Variants in IMMP2L observed in about 807,000 individuals in gnomAD.
IMMP2L encodes the protein mitochondrial inner membrane protease subunit 2.
IMMP2L carries 18 observed loss-of-function variants against 19.3 expected under a neutral mutation model. That is an observed-to-expected ratio of 0.93 (90% confidence interval 0.64 to 1.38). The LOEUF (loss-of-function observed/expected upper bound fraction) is 1.38, where lower values mean the gene tolerates loss of function less well. Ranked by LOEUF, IMMP2L falls within the 40% of genes most tolerant of loss-of-function variation. The pLI is 0.00. For missense variants in IMMP2L, 233 were observed against 218.2 expected, an observed-to-expected ratio of 1.07 and a Z score of -0.43; for synonymous variants, 76 against 73.0, an observed-to-expected ratio of 1.04 and a Z score of -0.21.
chr7:110,797,816 A>G lies in IMMP2L; in HGVS notation c.408+88777T>C, dbSNP rs746124683. 7.2e-5 allele frequency among the ~76,000 whole-genome samples: 11 copies of G among 152,070 alleles called. 1 individual carries two copies. Among genetic ancestry groups the G allele is most frequent in the Admixed American group, 2.0e-4 (3 of 15,234 alleles). The stretch of plus-strand genomic sequence containing the variant: ...AAATCTGCTAACAGAAAGAAAACAC[A>G]TGAAGGATCGCAGTGCATGACAGTA... On this transcript the variant is annotated intron_variant, in intron 5 of 5. Coordinates refer to ENST00000405709, the MANE Select transcript of IMMP2L (RefSeq NM_032549.4).
intron 3 of IMMP2L, among the ~76,000 whole-genome samples, chr7:111,009,233 A>G (rs982909769): frequency 6.6e-6 from 1 of 152,022 alleles, no homozygotes; most frequent in African/African-American, 2.4e-5. Context: ...ATCTAACTTC[A>G]CTGTTGCAAA....
At chr7:110,720,366 C>T (rs942315632) in intron 5 of IMMP2L, among the ~76,000 whole-genome samples, 17 of 152,158 alleles carry the variant, frequency 1.1e-4, no homozygotes, top group African/African-American at 4.1e-4. Context: ...AGAAAGTAAT[C>T]GCTCTTCTTC....
intron 5 of IMMP2L, among the ~76,000 whole-genome samples, chr7:110,770,259 G>A (rs542878384): frequency 3.9e-5 from 6 of 152,282 alleles, no homozygotes; most frequent in African/African-American, 1.4e-4. Flanking sequence ...TACGACGAAT[G>A]TGAAGCCATG....
At chr7:111,443,351 A>G (rs570272164) in intron 3 of IMMP2L, among the ~76,000 whole-genome samples, 2 of 149,652 alleles carry the variant, frequency 1.3e-5, no homozygotes, top group Admixed American at 1.3e-4. Context: ...TTTAAAGACA[A>G]CTGGAGTACT....
At chr7:110,943,727 T>C (rs934784406) in intron 4 of IMMP2L, among the ~76,000 whole-genome samples, 4 of 151,902 alleles carry the variant, frequency 2.6e-5, no homozygotes, top group Non-Finnish European at 5.9e-5. Flanking sequence ...GGGTAGGGTG[T>C]TACCACAGAA....
intron 3 of IMMP2L, among the ~76,000 whole-genome samples, chr7:111,421,493 C>T (rs1396224138): frequency 3.3e-5 from 5 of 150,664 alleles, no homozygotes; most frequent in African/African-American, 5.0e-5. Flanking sequence ...AGGATGGTCT[C>T]GATCTCCTGA....
rs1213185811 is a variant in IMMP2L, at chr7:111,288,679, A to T, written c.239+198559T>A. 5.9e-5 allele frequency among the ~76,000 whole-genome samples: 9 copies of T among 152,288 alleles called. No homozygotes were observed. The East Asian group carries it at 1.5e-3, about 26-fold the overall frequency. On this transcript the variant is annotated intron_variant, in intron 3 of 5. Transcript: ENST00000405709. The stretch of plus-strand genomic sequence containing the variant: ...CAAACATGAAAAAAAGTTCATCATC[A>T]CTGGTCGTTAGAGAAATGAAAATGA...
intron 1 of IMMP2L, among the ~76,000 whole-genome samples, chr7:111,533,589 A>G (rs993021339): frequency 2.0e-5 from 3 of 152,198 alleles, no homozygotes; most frequent in African/African-American, 7.2e-5. Context: ...TAAAGTCGAC[A>G]TTCATATTGG....
rs561367092 is a variant in IMMP2L at position 110,865,278 on chromosome 7, T to G, written c.408+21315A>C. 2.6e-5 allele frequency among the ~76,000 whole-genome samples: 4 copies of G among 152,038 alleles called. No individual in the cohort carries two copies. The East Asian group carries it at 7.7e-4, about 29-fold the overall frequency. ...GATGGATTCTGACAAACACTAAATT[T>G]TAAACATCCTCTAAAAGTAAATAAA... On this transcript the variant is annotated intron_variant, in intron 5 of 5. Transcript: ENST00000405709.
intron 3 of IMMP2L, among the ~76,000 whole-genome samples, chr7:111,081,819 T>C (rs1290472514): frequency 2.6e-5 from 4 of 152,134 alleles, no homozygotes; most frequent in African/African-American, 9.7e-5. Flanking sequence ...ACTTTTAAAA[T>C]AACGTCATTG....
chr7:110,972,892 G>A (rs1180332681), intron 3 of IMMP2L, among the ~76,000 whole-genome samples: 4 of 152,070 alleles, frequency 2.6e-5, no homozygotes, highest in Non-Finnish European at 5.9e-5. Flanking sequence ...CTCAGAATGA[G>A]GGAAAGTTTG....
chr7:111,210,504 T>G (rs1032748180), intron 3 of IMMP2L, among the ~76,000 whole-genome samples: 1 of 152,152 alleles, frequency 6.6e-6, no homozygotes, highest in African/African-American at 2.4e-5. Context: ...CTGCACTTAT[T>G]TTATAACCCA....
At chr7:110,996,149 T>G (rs1426102050) in intron 3 of IMMP2L, among the ~76,000 whole-genome samples, 1 of 152,140 alleles carries the variant, frequency 6.6e-6, no homozygotes. Context: ...ATAAGTGCTA[T>G]GACAAGTCAA....
At chr7:110,921,738 C>T (rs993398150) in intron 4 of IMMP2L, among the ~76,000 whole-genome samples, 1 of 152,110 alleles carries the variant, frequency 6.6e-6, no homozygotes, top group Non-Finnish European at 1.5e-5. Flanking sequence ...AACAAATGTG[C>T]TTAACTACCC....
chr7:110,785,388 T>C (rs575769712), intron 5 of IMMP2L, among the ~76,000 whole-genome samples: 5 of 152,098 alleles, frequency 3.3e-5, no homozygotes, highest in African/African-American at 1.2e-4. Flanking sequence ...GATTTAAAAA[T>C]GGTTCTGGTG....
chr7:111,430,493 A>G (rs1174692311), intron 3 of IMMP2L, among the ~76,000 whole-genome samples: 1 of 151,794 alleles, frequency 6.6e-6, no homozygotes, highest in Non-Finnish European at 1.5e-5. Flanking sequence ...GAGACTATAT[A>G]ATCCTGTTAG....
rs188177187 is a variant in IMMP2L at position 111,422,128 on chromosome 7, A to C, written c.239+65110T>G. 2.3e-3 allele frequency among the ~76,000 whole-genome samples: 350 copies of C among 151,700 alleles called. 10 individuals carry two copies. The highest frequency in any genetic ancestry group is 7.9e-3 in the African/African-American group (326 of 41,106). On this transcript the variant is annotated intron_variant, in intron 3 of 5. Transcript: ENST00000405709. ...ACCATGCTGTTTTGGTTACTGTAGC[A>C]TTGTAGTCTAGTTTGAAATCAGGTA...
At chr7:110,956,652 G>A (rs1818385123) in intron 4 of IMMP2L, among the ~76,000 whole-genome samples, 2 of 151,716 alleles carry the variant, frequency 1.3e-5, no homozygotes, top group South Asian at 4.2e-4. Context: ...TAAGTTATAT[G>A]GTCATCTTCT....
chr7:110,729,678 A>G (rs1796118962), intron 5 of IMMP2L, among the ~76,000 whole-genome samples: 2 of 152,252 alleles, frequency 1.3e-5, no homozygotes, highest in African/African-American at 2.4e-5. Flanking sequence ...AAAGCAATGT[A>G]TCTGTTCTCA....
Sources: allele counts gnomAD v4.1 joint callset (sites outside exome capture counted in the v4.1 genomes callset), GRCh38; gene constraint gnomAD v4.1.1; transcripts MANE v1.5; gene names NCBI Gene and HGNC (gene_info 2026-07-23, HGNC 2026-07-21).